Variants in NRXN1 observed in about 807,000 individuals in gnomAD.
NRXN1 encodes neurexin-1.
NRXN1 carries 39 observed loss-of-function variants against 150.9 expected under a neutral mutation model. That is an observed-to-expected ratio of 0.26 (90% CI 0.20 to 0.34). The LOEUF is 0.34. Ranked by LOEUF, NRXN1 falls within the 10% of genes least tolerant of loss-of-function variation. The pLI, the probability that NRXN1 is intolerant of heterozygous loss-of-function variation, is 1.00. For missense variants in NRXN1, 1,815 were observed against 1,949.9 expected (o/e 0.93, Z 1.30); for synonymous variants, 924 against 757.0 (o/e 1.22, Z -3.62).
At chr2:50,702,362 AAAAAAC>A (rs1279461550) in intron 5 of NRXN1, among the ~76,000 whole-genome samples, 1 of 151,266 alleles carries the variant, frequency 6.6e-6, no homozygotes, top group Admixed American at 6.6e-5. Context: ...TAATGAAAAA[AAAAAAC>A]AAAACAAAAC....
At chr2:50,074,629 G>C (rs149765037) in intron 19 of NRXN1, among the ~76,000 whole-genome samples, 91 of 152,208 alleles carry the variant, frequency 6.0e-4, no homozygotes, top group African/African-American at 2.2e-3. Context: ...GCTAGAATCT[G>C]GTGTAATTCC....
intron 15 of NRXN1, among the ~76,000 whole-genome samples, chr2:50,477,364 A>G (rs563893688): frequency 6.6e-6 from 1 of 152,352 alleles, no homozygotes; most frequent in African/African-American, 2.4e-5. Context: ...AATTGCATTT[A>G]ACGTCATGTA....
At chr2:50,421,942 G>T (rs2084031173) in intron 17 of NRXN1, among the ~76,000 whole-genome samples, 2 of 152,050 alleles carry the variant, frequency 1.3e-5, no homozygotes, top group African/African-American at 4.8e-5. Context: ...GGAACTGCAT[G>T]GATATATTCT....
intron 21 of NRXN1, among the ~76,000 whole-genome samples, chr2:49,954,901 A>G (rs1464373518): frequency 6.6e-6 from 1 of 152,300 alleles, no homozygotes; most frequent in East Asian, 1.9e-4. Context: ...GGGCATCTAT[A>G]CAGGAATTCA....
chr2:50,849,708 G>A (rs1674226217), intron 5 of NRXN1, among the ~76,000 whole-genome samples: 1 of 152,154 alleles, frequency 6.6e-6, no homozygotes, highest in East Asian at 1.9e-4. Flanking sequence ...TTGATACACT[G>A]ATAAATTCAG....
At chr2:50,223,850 G>A (rs1385139604) in intron 18 of NRXN1, among the ~76,000 whole-genome samples, 1 of 151,852 alleles carries the variant, frequency 6.6e-6, no homozygotes, top group Admixed American at 6.6e-5. Context: ...TTTAGAATGT[G>A]GTGAAGGCTG....
chr2:50,918,225 A>C (rs1005146531), intron 5 of NRXN1: 1 of 157,990 alleles, frequency 6.3e-6, no homozygotes, highest in African/African-American at 2.4e-5. Flanking sequence ...TAACATGAGA[A>C]GCCTGGATAA....
intron 18 of NRXN1, among the ~76,000 whole-genome samples, chr2:50,162,112 GTTAAC>G (rs1313187247): frequency 6.6e-6 from 1 of 152,034 alleles, no homozygotes; most frequent in Non-Finnish European, 1.5e-5. Context: ...CAGCAAATTG[GTTAAC>G]TTAACCAAAG....
intron 8 of NRXN1, among the ~76,000 whole-genome samples, chr2:50,579,930 G>A (rs1672003117): frequency 6.6e-6 from 1 of 152,094 alleles, no homozygotes; most frequent in Non-Finnish European, 1.5e-5. Context: ...TTTCTGATGG[G>A]GGATTCTTCA....
intron 17 of NRXN1, among the ~76,000 whole-genome samples, chr2:50,357,119 A>G (rs1339842813): frequency 6.6e-6 from 1 of 151,902 alleles, no homozygotes; most frequent in East Asian, 1.9e-4. Context: ...TCTACAAAAA[A>G]TTTAAAAAAA....
intron 5 of NRXN1, among the ~76,000 whole-genome samples, chr2:50,780,504 T>C (rs920299853): frequency 1.3e-5 from 2 of 152,148 alleles, no homozygotes; most frequent in Non-Finnish European, 2.9e-5. Context: ...AATAATGGCA[T>C]GGTCATCCTT....
intron 5 of NRXN1, among the ~76,000 whole-genome samples, chr2:50,731,480 A>G (rs1223023493): frequency 6.6e-6 from 1 of 152,230 alleles, no homozygotes; most frequent in Non-Finnish European, 1.5e-5. Context: ...TATCCGGCAG[A>G]TACAGAAATA....
intron 5 of NRXN1, among the ~76,000 whole-genome samples, chr2:50,660,557 G>T (rs1687149289): frequency 6.6e-6 from 1 of 152,008 alleles, no homozygotes; most frequent in Admixed American, 6.6e-5. Flanking sequence ...CTCCTACCTT[G>T]AAACATCAAA....
At chr2:50,685,166 C>T (rs532916600) in intron 5 of NRXN1, among the ~76,000 whole-genome samples, 3 of 152,264 alleles carry the variant, frequency 2.0e-5, no homozygotes, top group Non-Finnish European at 4.4e-5. Context: ...TTTCAATTAA[C>T]TTTCTTTCAT....
intron 5 of NRXN1, among the ~76,000 whole-genome samples, chr2:50,807,044 T>A (rs192020140): frequency 6.6e-6 from 1 of 152,224 alleles, no homozygotes; most frequent in African/African-American, 2.4e-5. Flanking sequence ...ACGCCAATCA[T>A]CCTTGAAATA....
At chr2:50,885,507 A>G (rs186282190) in intron 5 of NRXN1, among the ~76,000 whole-genome samples, 427 of 151,418 alleles carry the variant, frequency 2.8e-3, no homozygotes, top group Non-Finnish European at 4.9e-3. Context: ...AATCTCATCA[A>G]AGTGCTATGA....
At chr2:50,031,908 G>T (rs1046487986) in intron 21 of NRXN1, among the ~76,000 whole-genome samples, 1 of 152,018 alleles carries the variant, frequency 6.6e-6, no homozygotes, top group Non-Finnish European at 1.5e-5. Context: ...AGTTCCTAAT[G>T]AATGTGTCTG....
intron 15 of NRXN1, among the ~76,000 whole-genome samples, chr2:50,477,307 T>A (rs575228213): frequency 6.6e-6 from 1 of 152,292 alleles, no homozygotes; most frequent in East Asian, 1.9e-4. Flanking sequence ...CAAAGCAGGC[T>A]AGGAAACTAG....
At chr2:50,496,166 C>A (rs1404402689) in intron 14 of NRXN1, 71 bp from the exon 15 acceptor site, 4 of 1,220,068 alleles carry the variant, frequency 3.3e-6, no homozygotes, top group Admixed American at 2.4e-5. Flanking sequence ...GTAGATATTA[C>A]AAATGGAGAT....
Sources: gnomAD v4.1 joint callset for allele counts (sites outside exome capture counted in the v4.1 genomes callset) on GRCh38, gnomAD v4.1.1 for gene constraint, MANE v1.5 for transcripts, NCBI Gene and HGNC (gene_info 2026-07-23, HGNC 2026-07-21) for gene names.